The following BTNL9 variants were observed in gnomAD, a reference collection of about 807,000 sequenced individuals.
BTNL9 encodes the protein butyrophilin like 9.
A neutral mutation model predicts 45.8 loss-of-function variants in BTNL9; 45 were observed. The ratio of observed to expected loss-of-function variants is 0.98; its 90% confidence interval spans 0.77 to 1.26. BTNL9 has a LOEUF of 1.26. Among genes scored for constraint, BTNL9 ranks in the 50% most tolerant of loss-of-function variants. The probability of loss-of-function intolerance (pLI) is 0.00; values close to 1 mark genes in which losing one functional copy is unlikely to be tolerated. For missense variants in BTNL9, 784 were observed against 729.7 expected (o/e 1.07, Z -0.86); for synonymous variants, 346 against 330.8 (o/e 1.05, Z -0.50).
Position 181,055,411 on chromosome 5 carries a change from T to C in BTNL9, c.908-22T>C. The C allele has an allele frequency of 6.2e-7, 1 of 1,614,130 alleles. No homozygotes were observed. The highest frequency in any genetic ancestry group is 8.5e-7 in the Non-Finnish European group (1 of 1,180,020). The stretch of plus-strand genomic sequence containing the variant: ...TCCACCCACCTGCAGGCTGAAGTTT[T>C]CTTTGTGTGTTCTGCTTGCAGAAAA... On this transcript the variant is annotated intron_variant, in intron 7 of 10. Coordinates refer to ENST00000327705, the MANE Select transcript of BTNL9 (RefSeq NM_152547.5). This position sits in a 1 kb window ranked among gnomAD's most constrained non-coding sequence, Gnocchi z 4.4.
intron 1 of BTNL9, 64 bp downstream of exon 1, chr5:181,040,496 G>C (rs1013709193): frequency 6.6e-5 from 10 of 152,202 alleles, no homozygotes; most frequent in African/African-American, 2.4e-4. Context: ...ATCAGAAAAT[G>C]AAGGTGGGAG....
At chr5:181,040,830 C>T (rs1483868771) in intron 1 of BTNL9, among the ~76,000 whole-genome samples, 1 of 147,848 alleles carries the variant, frequency 6.8e-6, no homozygotes, top group Non-Finnish European at 1.5e-5. Flanking sequence ...CAGGGGGTGT[C>T]GGGGAGGCCC....
Position 181,055,530 on chromosome 5 carries a change from G to T in BTNL9, c.928+77G>T. Reference sequence around the variant, plus strand: ...CACACCTGTAATCCCAGTACTTTGGGAGGCCGAGGCGGGTGGATCACGAGG... The same window carrying T: ...CACACCTGTAATCCCAGTACTTTGGTAGGCCGAGGCGGGTGGATCACGAGG... On this transcript the variant is annotated intron_variant, in intron 8 of 10. Coordinates refer to ENST00000327705, the MANE Select transcript of BTNL9 (RefSeq NM_152547.5). The surrounding 1 kb of genome is among the most constrained non-coding windows in gnomAD (Gnocchi z 4.4). 1 of 1,546,558 alleles carries T rather than the reference G, an allele frequency of 6.5e-7. No homozygotes were observed. Among genetic ancestry groups the T allele is most frequent in the South Asian group, 1.1e-5 (1 of 89,690 alleles).
rs1162382534 is a variant in BTNL9, at chr5:181,053,792, C to T, written c.886+291C>T. 3.3e-6 allele frequency: 5 copies of T among 1,521,160 alleles called. No homozygotes were observed. The East Asian group carries it at 1.3e-4, about 38-fold the overall frequency. 94.2% of individuals were successfully genotyped at this position (1,521,160 alleles called of 1,614,324 possible). A position where few individuals can be genotyped will look rare whatever the true frequency, so the allele number is the denominator to read the frequency against. On this transcript the variant is annotated intron_variant, in intron 6 of 10. Coordinates refer to ENST00000327705, the MANE Select transcript of BTNL9 (RefSeq NM_152547.5). This position sits in a 1 kb window ranked among gnomAD's most constrained non-coding sequence, Gnocchi z 6.5. ...TTCACATCACACTGTACAGAGGGAG[C>T]GGTGACCAGGGTCTCTGCTGCCAGC...
In BTNL9 at chr5:181,045,470, G is replaced by GC; in HGVS notation, c.-15dup. ...GCACCCCTTTGTCCCTCTCCAGGTG[G>GC]CCCCCACTGCTGACGAGAGATGGTG... On this transcript the variant is annotated 5_prime_UTR_variant, in exon 2 of 11. Coordinates refer to ENST00000327705, the MANE Select transcript of BTNL9 (RefSeq NM_152547.5). 1 of 1,532,560 alleles carries GC rather than the reference G, an allele frequency of 6.5e-7. No individual in the cohort carries two copies. Among genetic ancestry groups the GC allele is most frequent in the Non-Finnish European group, 9.0e-7 (1 of 1,106,454 alleles). The allele number at this position is 1,532,560 out of a possible 1,614,324, so 94.9% of individuals were successfully genotyped here.
rs781632631 is a variant in BTNL9, at chr5:181,059,267, AC to A, written c.1017del (p.Ser340AlafsTer35). ...VDVTLDPASA[H>X]PSLEVSEDGK... ...GTGACGCTGGACCCGGCCTCGGCGC[AC>A]CCCAGCCTGGAGGTGTCGGAGGATG... On this transcript the variant is annotated frameshift_variant, in exon 11 of 11. Coordinates refer to ENST00000327705, the MANE Select transcript of BTNL9 (RefSeq NM_152547.5). LOFTEE classifies it low-confidence loss of function (END_TRUNC). The A allele has an allele frequency of 3.8e-6, 6 of 1,568,140 alleles. No individual in the cohort carries two copies. In the Admixed American group the frequency reaches 5.4e-5, roughly 14 times the overall value.
chr5:181,053,506 G>T lies in BTNL9; in HGVS notation c.886+5G>T, dbSNP rs1761697323. Reference sequence around the variant, plus strand: ...AGCAGGCGGAGAAGAGACAAGGTGAGCGGGGACAGGGCGTTCTGCACGCAC... The same window carrying T: ...AGCAGGCGGAGAAGAGACAAGGTGATCGGGGACAGGGCGTTCTGCACGCAC... On this transcript the variant is annotated splice_donor_5th_base_variant and intron_variant, in intron 6 of 10. Coordinates refer to ENST00000327705, the MANE Select transcript of BTNL9 (RefSeq NM_152547.5). The surrounding 1 kb of genome is among the most constrained non-coding windows in gnomAD (Gnocchi z 6.5). 2.5e-6 allele frequency: 4 copies of T among 1,576,668 alleles called. No homozygotes were observed. The highest frequency in any genetic ancestry group is 3.4e-6 in the Non-Finnish European group (4 of 1,161,186).
chr5:181,041,905 C>T (rs1177781764), intron 1 of BTNL9, among the ~76,000 whole-genome samples: 5 of 152,114 alleles, frequency 3.3e-5, no homozygotes, highest in Admixed American at 1.3e-4. Flanking sequence ...TGACATCTGT[C>T]CCACTGCATT....
At position 181,054,232 on chromosome 5, in the gene BTNL9, T is replaced by C. The variant is rs747587013; in HGVS notation, c.887-7T>C. ...TTTCTTCATCTTTTTTTTTTTTTTT[T>C]CTCTAGAGAAACTCACTGCAGAGCT... On this transcript the variant is annotated splice_polypyrimidine_tract_variant and splice_region_variant and intron_variant, in intron 6 of 10. Coordinates refer to ENST00000327705, the MANE Select transcript of BTNL9 (RefSeq NM_152547.5). 5.0e-6 allele frequency: 8 copies of C among 1,609,460 alleles called. No homozygotes were observed. Among genetic ancestry groups the C allele is most frequent in the East Asian group, 2.2e-5 (1 of 44,826 alleles).
Position 181,053,622 on chromosome 5 carries a change from G to T in BTNL9, c.886+121G>T. On this transcript the variant is annotated intron_variant, in intron 6 of 10. Transcript: ENST00000327705. This position sits in a 1 kb window ranked among gnomAD's most constrained non-coding sequence, Gnocchi z 6.5. ...GCGCGAGGTGTCAGGGCGGCCACCG[G>T]GGAACGGGGATCGGTGACCCCGGTG... 6.5e-7 allele frequency: 1 copy of T among 1,545,868 alleles called. No homozygotes were observed.
intron 1 of BTNL9, among the ~76,000 whole-genome samples, chr5:181,044,346 G>T (rs1760971425): frequency 6.6e-6 from 1 of 152,196 alleles, no homozygotes; most frequent in African/African-American, 2.4e-5. Context: ...CGGAAGAAAA[G>T]CCAAGCCGTG....
At chr5:181,041,527 G>T (rs1760775941) in intron 1 of BTNL9, among the ~76,000 whole-genome samples, 2 of 152,218 alleles carry the variant, frequency 1.3e-5, no homozygotes, top group Admixed American at 1.3e-4. Context: ...TTGGAGAAAA[G>T]GACATGTGTA....
intron 9 of BTNL9, 75 bp from the exon 10 acceptor site, chr5:181,058,277 T>G: frequency 6.4e-7 from 1 of 1,551,994 alleles, no homozygotes; most frequent in Non-Finnish European, 8.9e-7. Context: ...CTCATACATC[T>G]GGAGACTTCG....
rs921838144 is a variant in BTNL9 at position 181,050,509 on chromosome 5, G to C, written c.736+140G>C. On this transcript the variant is annotated intron_variant, in intron 4 of 10. Transcript: ENST00000327705. This position sits in a 1 kb window ranked among gnomAD's most constrained non-coding sequence, Gnocchi z 4.9. ...GTTGGCCTTGACACCTGAAAAGTCA[G>C]CACCTTGGATATTAGGAACACACTA... 3 of 1,038,846 alleles carry C rather than the reference G, an allele frequency of 2.9e-6. No homozygotes were observed. The highest frequency in any genetic ancestry group is 4.2e-6 in the Non-Finnish European group (3 of 713,204). 64.4% of individuals were successfully genotyped at this position (1,038,846 alleles called of 1,614,324 possible).
chr5:181,040,327 T>C lies in BTNL9; in HGVS notation c.-129T>C, dbSNP rs1352780945. The C allele has an allele frequency of 3.3e-5, 5 of 152,220 alleles. No individual in the cohort carries two copies. The highest frequency in any genetic ancestry group is 4.4e-5 in the Non-Finnish European group (3 of 68,052). 9.4% of individuals were successfully genotyped at this position (152,220 alleles called of 1,614,324 possible). A position where few individuals can be genotyped will look rare whatever the true frequency, so the allele number is the denominator to read the frequency against. ...CTGCCAGTCCACGTCTAGGGAATCT[T>C]AGCATCTGGGACCAAGACACTTTAC... is the stretch of plus-strand genomic sequence containing the variant. On this transcript the variant is annotated 5_prime_UTR_variant, in exon 1 of 11. Transcript: ENST00000327705.
chr5:181,054,454 T>C (rs1761770121), intron 7 of BTNL9, 195 bp downstream of exon 7: 1 of 985,350 alleles, frequency 1.0e-6, no homozygotes, highest in Non-Finnish European at 1.2e-6. Context: ...CGAGACCCTC[T>C]GCACAGACCC....
Position 181,042,269 on chromosome 5 carries a change from G to A in BTNL9, c.-24+1837G>A, listed in dbSNP as rs1760811865. 2.0e-5 allele frequency among the ~76,000 whole-genome samples: 3 copies of A among 152,338 alleles called. No homozygotes were observed. The highest frequency in any genetic ancestry group is 4.1e-4 in the South Asian group (2 of 4,828). ...AGCACGTGCCCGCCGGCAGAGCTCA[G>A]CTCCAGCTGGAGGACCCCTTTGTGG... On this transcript the variant is annotated intron_variant, in intron 1 of 10. Transcript: ENST00000327705. This position sits in a 1 kb window ranked among gnomAD's most constrained non-coding sequence, Gnocchi z 4.5.
At position 181,045,505 on chromosome 5, in the gene BTNL9, G is replaced by A. The variant is rs1425423277; in HGVS notation, c.16G>A (p.Val6Ile). 6.2e-7 allele frequency: 1 copy of A among 1,609,164 alleles called. No individual in the cohort carries two copies. The highest frequency in any genetic ancestry group is 2.2e-5 in the East Asian group (1 of 44,848). Residue 6 changes from valine (V) to isoleucine (I), a missense_variant, in exon 2 of 11, where the codon GTC (valine) becomes ATC (isoleucine). Val to Ile is a conservative substitution (Grantham distance 29). Transcript: ENST00000327705. MVDLS[V>I]SPDSLKPVSL... Reference sequence around the variant, plus strand: ...CTGACGAGAGATGGTGGACCTCTCAGTCTCCCCAGACTCCTTGAAGCCAGT... The same window carrying A: ...CTGACGAGAGATGGTGGACCTCTCAATCTCCCCAGACTCCTTGAAGCCAGT...
rs1336795616 is a variant in BTNL9, at chr5:181,053,878, A to G, written c.887-361A>G. On this transcript the variant is annotated intron_variant, in intron 6 of 10. Coordinates refer to ENST00000327705, the MANE Select transcript of BTNL9 (RefSeq NM_152547.5). The surrounding 1 kb of genome is among the most constrained non-coding windows in gnomAD (Gnocchi z 6.5). The stretch of plus-strand genomic sequence containing the variant: ...TCGGGCGGATGCGCAACATCTCCGC[A>G]CAGGGTCAGGAAGCGGCGGTCAGGC... The G allele has an allele frequency of 1.3e-6, 2 of 1,504,652 alleles. No homozygotes were observed. The highest frequency in any genetic ancestry group is 2.8e-5 in the African/African-American group (2 of 72,404). The allele number at this position is 1,504,652 out of a possible 1,614,324, so 93.2% of individuals were successfully genotyped here. A position where few individuals can be genotyped will look rare whatever the true frequency, so the allele number is the denominator to read the frequency against.
Sources: gnomAD v4.1 joint callset for allele counts (sites outside exome capture counted in the v4.1 genomes callset) on GRCh38, gnomAD v4.1.1 for gene constraint, Gnocchi (gnomAD v3.1) non-coding constraint, MANE v1.5 for transcripts, NCBI Gene and HGNC (gene_info 2026-07-23, HGNC 2026-07-21) for gene names.